CDC27: variants seen among roughly 807,000 people sequenced by gnomAD.
The protein encoded by CDC27 is cell division cycle protein 27 homolog.
In CDC27, 27 loss-of-function variants were observed where a neutral mutation model predicts 109.7. The observed-to-expected ratio is 0.25, with a 90% CI of 0.18 to 0.34. CDC27 has a LOEUF of 0.34. Among genes scored for constraint, CDC27 ranks in the 10% least tolerant of loss-of-function variants. The pLI is 1.00. For synonymous variants in CDC27, 266 were observed against 333.9 expected (o/e 0.80, Z 2.22); for missense variants, 579 against 960.2 (o/e 0.60, Z 5.25).
intron 15 of CDC27, among the ~76,000 whole-genome samples, chr17:47,131,125 C>T (rs1259448948): frequency 6.6e-6 from 1 of 152,040 alleles, no homozygotes; most frequent in Non-Finnish European, 1.5e-5. Flanking sequence ...AAATAAACCA[C>T]TCAAAAATTT....
intron 14 of CDC27, among the ~76,000 whole-genome samples, chr17:47,133,850 G>C (rs1370656860): frequency 6.6e-6 from 1 of 152,014 alleles, no homozygotes; most frequent in Non-Finnish European, 1.5e-5. Context: ...CTGGGTTCAA[G>C]CGATTTTCGT....
chr17:47,127,832 A>C (rs1182638021), intron 16 of CDC27, among the ~76,000 whole-genome samples: 1 of 151,668 alleles, frequency 6.6e-6, no homozygotes, highest in East Asian at 1.9e-4. Context: ...CTTCCTGAGT[A>C]GCTGAGAGTA....
chr17:47,179,269 C>T (rs1258359089), intron 2 of CDC27, among the ~76,000 whole-genome samples: 4 of 152,218 alleles, frequency 2.6e-5, no homozygotes, highest in Non-Finnish European at 5.9e-5. Flanking sequence ...ATAGAAACTG[C>T]TACTAGTGAC....
chr17:47,144,398 A>G (rs2062891049), intron 9 of CDC27, among the ~76,000 whole-genome samples: 1 of 152,250 alleles, frequency 6.6e-6, no homozygotes, highest in African/African-American at 2.4e-5. Flanking sequence ...TGATAAGCAC[A>G]TCTATAAATC....
chr17:47,141,628 T>G (rs1196108879), intron 12 of CDC27, among the ~76,000 whole-genome samples: 1 of 152,190 alleles, frequency 6.6e-6, no homozygotes, highest in Non-Finnish European at 1.5e-5. Flanking sequence ...TCTGGATGAC[T>G]TGGGTCTCTA....
intron 9 of CDC27, among the ~76,000 whole-genome samples, chr17:47,147,178 A>G (rs1319539366): frequency 6.6e-5 from 10 of 151,264 alleles, no homozygotes; most frequent in Non-Finnish European, 7.4e-5. Context: ...AGACGGGCGG[A>G]TCACGAGGTC....
In CDC27 at chr17:47,125,235, C is replaced by CTT. The variant is rs58631604; in HGVS notation, c.2161-1277_2161-1276dup. Among the ~76,000 whole-genome samples the CTT allele has an allele frequency of 3.6e-3, 171 of 48,050 alleles. 28 individuals carry two copies. The highest frequency in any genetic ancestry group is 0.012 in the East Asian group (16 of 1,282). 31.5% of individuals were successfully genotyped at this position (48,050 alleles called of 152,430 possible). On this transcript the variant is annotated intron_variant, in intron 16 of 18. Transcript: ENST00000066544. ...GCACCCGGCCTTACTTTAAAGAAATCTTTTTTTTTTTTTTTTTTTTTTTTT... is the reference window on the plus strand; with the variant it reads ...GCACCCGGCCTTACTTTAAAGAAATCTTTTTTTTTTTTTTTTTTTTTTTTTTT...
At chr17:47,132,994 T>C (rs1405230307) in intron 14 of CDC27, among the ~76,000 whole-genome samples, 6 of 27,090 alleles carry the variant, frequency 2.2e-4, no homozygotes, top group African/African-American at 1.0e-3. Flanking sequence ...GGCGCATATA[T>C]ATATATATAT....
At chr17:47,184,097 T>C (rs2064341843) in intron 1 of CDC27, among the ~76,000 whole-genome samples, 1 of 152,222 alleles carries the variant, frequency 6.6e-6, no homozygotes. Flanking sequence ...TACCAAAGAT[T>C]TGATGTTTGG....
intron 18 of CDC27, among the ~76,000 whole-genome samples, 157 bp from the exon 19 acceptor site, chr17:47,121,174 A>C (rs1285919477): frequency 2.0e-5 from 3 of 152,152 alleles, no homozygotes; most frequent in Non-Finnish European, 4.4e-5. Flanking sequence ...AATGCAACTC[A>C]AGTTTCCTAA....
chr17:47,177,299 G>A (rs1380606865), intron 2 of CDC27, among the ~76,000 whole-genome samples: 2 of 152,146 alleles, frequency 1.3e-5, no homozygotes, highest in Non-Finnish European at 2.9e-5. Flanking sequence ...AATAAAGACC[G>A]GATACAGTGG....
chr17:47,173,064 ACT>A (rs1286734128), intron 2 of CDC27, among the ~76,000 whole-genome samples: 4 of 152,116 alleles, frequency 2.6e-5, no homozygotes, highest in Non-Finnish European at 4.4e-5. Flanking sequence ...TGGTTAACAA[ACT>A]CTGCAAGTGA....
At chr17:47,130,089 C>T (rs1216294925) in intron 15 of CDC27, among the ~76,000 whole-genome samples, 2 of 152,148 alleles carry the variant, frequency 1.3e-5, no homozygotes, top group Non-Finnish European at 2.9e-5. Context: ...TGGCCAGGTG[C>T]GGTGACTCAG....
intron 12 of CDC27, 74 bp from the exon 13 acceptor site, chr17:47,138,965 A>G (rs541793780): frequency 1.0e-6 from 1 of 988,496 alleles, no homozygotes; most frequent in Non-Finnish European, 1.5e-6. Context: ...AGCCCTGGTC[A>G]TTATCTTCAC....
chr17:47,133,086 A>ACATACATATACACACACAC (rs1568374869), intron 14 of CDC27, among the ~76,000 whole-genome samples: 1 of 30,630 alleles, frequency 3.3e-5, no homozygotes, highest in African/African-American at 1.4e-4. Context: ...CACACACACA[A>ACATACATATACACACACAC]ACACACACAC....
intron 5 of CDC27, among the ~76,000 whole-genome samples, chr17:47,157,935 C>G (rs1323298260): frequency 6.6e-6 from 1 of 152,088 alleles, no homozygotes; most frequent in Non-Finnish European, 1.5e-5. Flanking sequence ...TAGTGTTAAA[C>G]ACACAATATA....
At position 47,182,045 on chromosome 17, in the gene CDC27, T is replaced by A. The variant is rs11570459; in HGVS notation, c.28-408A>T. Among the ~76,000 whole-genome samples the A allele has an allele frequency of 4.3e-3, 653 of 152,344 alleles. 20 individuals are homozygous for A. Among genetic ancestry groups the A allele is most frequent in the Admixed American group, 0.029 (437 of 15,300 alleles). On this transcript the variant is annotated intron_variant, in intron 1 of 18. Coordinates refer to ENST00000066544, the MANE Select transcript of CDC27 (RefSeq NM_001256.6). ...CTCTTCTAGTAGAGCACTCATAACA[T>A]GGTTATTTGTTAACAGGACTGCCAA...
At chr17:47,135,783 A>AG (rs558494726) in intron 14 of CDC27, among the ~76,000 whole-genome samples, 140 of 152,176 alleles carry the variant, frequency 9.2e-4, no homozygotes, top group African/African-American at 3.3e-3. Flanking sequence ...ACACATTTAA[A>AG]AAAAAAACAA....
At chr17:47,123,997 A>T (rs1030508710) in intron 16 of CDC27, 37 bp from the exon 17 acceptor site, 6 of 1,461,056 alleles carry the variant, frequency 4.1e-6, no homozygotes, top group Non-Finnish European at 4.6e-6. Flanking sequence ...AGTAGCAAAA[A>T]TTTTTAAAGT....
Sources: allele counts gnomAD v4.1 joint callset (sites outside exome capture counted in the v4.1 genomes callset), GRCh38; gene constraint gnomAD v4.1.1; transcripts MANE v1.5; gene names NCBI Gene and HGNC (gene_info 2026-07-23, HGNC 2026-07-21).